The following STAU2 variants were observed in gnomAD, a reference collection of about 807,000 sequenced individuals.
The protein encoded by STAU2 is staufen double-stranded RNA binding protein 2.
STAU2 carries 20 observed loss-of-function variants against 65.9 expected under a neutral mutation model. The observed-to-expected ratio is 0.30, with a 90% CI of 0.21 to 0.44. The LOEUF (loss-of-function observed/expected upper bound fraction) is 0.44, where lower values mean the gene tolerates loss of function less well. STAU2 is among the 20% of genes least tolerant of loss of function. STAU2 has a pLI of 1.00. For synonymous variants in STAU2, 232 were observed against 233.9 expected (o/e 0.99, Z 0.07); for missense variants, 558 against 683.9 (o/e 0.82, Z 2.05).
chr8:73,684,310 T>C lies in STAU2; in HGVS notation c.274+4344A>G, dbSNP rs371062373. 2.4e-4 allele frequency among the ~76,000 whole-genome samples: 37 copies of C among 152,132 alleles called. No homozygotes were observed. The South Asian group carries it at 7.5e-3, about 31-fold the overall frequency. ...AGAACCCAGAAATAAAGCCCAATAC[T>C]TAGAGCAAACTGATTTTCATCACAG... On this transcript the variant is annotated intron_variant, in intron 5 of 14. Coordinates refer to ENST00000524300, the MANE Select transcript of STAU2 (RefSeq NM_001164380.2).
intron 6 of STAU2, among the ~76,000 whole-genome samples, chr8:73,649,790 T>C (rs1421420569): frequency 6.7e-6 from 1 of 149,576 alleles, no homozygotes; most frequent in Non-Finnish European, 1.5e-5. Flanking sequence ...GTTTTAGATA[T>C]CTTTGAGAGC....
chr8:73,740,812 C>A (rs980176446), intron 1 of STAU2, among the ~76,000 whole-genome samples: 1 of 152,068 alleles, frequency 6.6e-6, no homozygotes, highest in East Asian at 1.9e-4. Context: ...ACCAGCCTGG[C>A]CAACATGGTG....
chr8:73,608,465 C>A (rs555706385), intron 9 of STAU2, among the ~76,000 whole-genome samples: 2 of 150,992 alleles, frequency 1.3e-5, no homozygotes, highest in South Asian at 4.2e-4. Flanking sequence ...AAATTAGCCA[C>A]GCGTGGTGGC....
chr8:73,461,089 G>C (rs1243651218), intron 13 of STAU2, among the ~76,000 whole-genome samples: 1 of 152,168 alleles, frequency 6.6e-6, no homozygotes, highest in Admixed American at 6.5e-5. Context: ...ACAGGCTGTA[G>C]AGTCAGACCA....
At chr8:73,525,311 T>C (rs1027159207) in intron 13 of STAU2, among the ~76,000 whole-genome samples, 2 of 152,222 alleles carry the variant, frequency 1.3e-5, no homozygotes, top group Non-Finnish European at 2.9e-5. Context: ...GAGACCACTA[T>C]GTACAGTCGT....
chr8:73,423,185 G>C (rs1055139545), intron 13 of STAU2, among the ~76,000 whole-genome samples: 3 of 152,238 alleles, frequency 2.0e-5, no homozygotes, highest in Non-Finnish European at 4.4e-5. Flanking sequence ...TCCTCATGCA[G>C]ACTGAGGGGA....
intron 3 of STAU2, among the ~76,000 whole-genome samples, chr8:73,713,266 C>A (rs1431189479): frequency 6.6e-6 from 1 of 152,104 alleles, no homozygotes; most frequent in Non-Finnish European, 1.5e-5. Flanking sequence ...ATGTCCTGGA[C>A]TCTGGAATTT....
At chr8:73,667,521 G>A (rs2130369874) in intron 6 of STAU2, among the ~76,000 whole-genome samples, 1 of 152,208 alleles carries the variant, frequency 6.6e-6, no homozygotes, top group South Asian at 2.1e-4. Flanking sequence ...CTCCTCACCT[G>A]GCTAAATCCT....
chr8:73,518,075 A>C (rs1387796483), intron 13 of STAU2, among the ~76,000 whole-genome samples: 2 of 152,260 alleles, frequency 1.3e-5, no homozygotes, highest in Non-Finnish European at 2.9e-5. Context: ...AGTGTTTCTA[A>C]ATGGAATTTC....
At chr8:73,464,477 C>T (rs964290978) in intron 13 of STAU2, among the ~76,000 whole-genome samples, 3 of 152,148 alleles carry the variant, frequency 2.0e-5, no homozygotes, top group African/African-American at 7.2e-5. Context: ...CCAGTAACAC[C>T]AGGTGCTCTG....
At chr8:73,542,155 G>A (rs140000792) in intron 13 of STAU2, among the ~76,000 whole-genome samples, 39 of 152,000 alleles carry the variant, frequency 2.6e-4, no homozygotes, top group African/African-American at 8.9e-4. Context: ...TAATCAAATC[G>A]GTGAAAAACA....
chr8:73,637,138 T>C (rs1814583741), intron 6 of STAU2, among the ~76,000 whole-genome samples: 1 of 150,870 alleles, frequency 6.6e-6, no homozygotes, highest in African/African-American at 2.4e-5. Flanking sequence ...AACTGAAGCT[T>C]AGGGACCTGT....
chr8:73,634,359 C>G (rs1055605984), intron 6 of STAU2, among the ~76,000 whole-genome samples: 2 of 152,006 alleles, frequency 1.3e-5, no homozygotes, highest in African/African-American at 4.8e-5. Flanking sequence ...GAAACCCCAT[C>G]TCCACTAAAA....
chr8:73,687,000 C>A (rs146640637), intron 5 of STAU2, among the ~76,000 whole-genome samples: 4,489 of 149,742 alleles, frequency 0.03, 103 homozygotes, highest in Non-Finnish European at 0.044. Flanking sequence ...TCAAGCAATT[C>A]TCCTGCCTCA....
chr8:73,528,326 A>G (rs900330333), intron 13 of STAU2, among the ~76,000 whole-genome samples: 8 of 152,222 alleles, frequency 5.3e-5, no homozygotes, highest in Non-Finnish European at 7.4e-5. Context: ...ATCAAATTGA[A>G]TTAAATTGAA....
chr8:73,639,170 G>A (rs1814773611), intron 6 of STAU2, among the ~76,000 whole-genome samples: 1 of 151,980 alleles, frequency 6.6e-6, no homozygotes, highest in African/African-American at 2.4e-5. Context: ...GTTTAATAGT[G>A]AAAATTTTTT....
chr8:73,461,907 T>G (rs1335734212), intron 13 of STAU2, among the ~76,000 whole-genome samples: 1 of 152,142 alleles, frequency 6.6e-6, no homozygotes, highest in African/African-American at 2.4e-5. Flanking sequence ...CTGCCCAGGC[T>G]CTTCACCTTT....
intron 11 of STAU2, among the ~76,000 whole-genome samples, chr8:73,591,968 A>G (rs531468503): frequency 6.6e-6 from 1 of 150,836 alleles, no homozygotes; most frequent in African/African-American, 2.4e-5. Context: ...GCAGAGCTAA[A>G]TCAGTACTTA....
chr8:73,659,521 G>T (rs1426856032), intron 6 of STAU2, among the ~76,000 whole-genome samples: 1 of 152,110 alleles, frequency 6.6e-6, no homozygotes, highest in African/African-American at 2.4e-5. Flanking sequence ...TGGGCAACAA[G>T]AGCGAAACTC....
Sources: allele counts gnomAD v4.1 joint callset (sites outside exome capture counted in the v4.1 genomes callset), GRCh38; gene constraint gnomAD v4.1.1; transcripts MANE v1.5; gene names NCBI Gene and HGNC (gene_info 2026-07-23, HGNC 2026-07-21).